The following HOGA1 variants were observed in gnomAD, a reference collection of about 807,000 sequenced individuals.
HOGA1 encodes 4-hydroxy-2-oxoglutarate aldolase, mitochondrial.
Under a neutral mutation model 34.3 loss-of-function variants are expected in HOGA1, and 30 were observed. The ratio of observed to expected loss-of-function variants is 0.87; its 90% CI spans 0.65 to 1.19. HOGA1 has a LOEUF of 1.19. HOGA1 is among the 50% of genes most tolerant of loss of function. The pLI is 0.00. For synonymous variants in HOGA1, 161 were observed against 174.0 expected, an observed-to-expected ratio of 0.93 and a Z score of 0.59; for missense variants, 417 against 436.5, an observed-to-expected ratio of 0.96 and a Z score of 0.40.
chr10:97,593,444 T>G (rs978859586), intron 1 of HOGA1, among the ~76,000 whole-genome samples: 27 of 151,762 alleles, frequency 1.8e-4, no homozygotes, highest in Non-Finnish European at 2.9e-5. Context: ...GCCACTGCCC[T>G]CCAGCCTGGG....
intron 1 of HOGA1, among the ~76,000 whole-genome samples, chr10:97,587,898 C>T (rs2040982994): frequency 1.3e-5 from 2 of 152,056 alleles, no homozygotes; most frequent in Admixed American, 6.6e-5. Context: ...CAACCTCTGC[C>T]TCCTGGGACT....
In HOGA1 at chr10:97,599,118, A is replaced by G; in HGVS notation, c.370A>G (p.Ser124Gly). The G allele has an allele frequency of 1.2e-6, 2 of 1,613,710 alleles. No homozygotes were observed. The highest frequency in any genetic ancestry group is 2.2e-5 in the South Asian group (2 of 91,082). Residue 124 changes from serine to glycine, a missense_variant, in exon 3 of 7, where the codon AGC becomes GGC. Coordinates refer to ENST00000370646, the MANE Select transcript of HOGA1 (RefSeq NM_138413.4). Reference protein sequence around the residue: ...STQATVEMTVSMAQVGADAAM... With the variant: ...STQATVEMTVGMAQVGADAAM... ...TCAAGCCACAGTGGAGATGACCGTCAGCATGGCCCAGGTCGGGGCTGACGC... is the reference window on the plus strand; with the variant it reads ...TCAAGCCACAGTGGAGATGACCGTCGGCATGGCCCAGGTCGGGGCTGACGC...
In HOGA1 at chr10:97,612,009, A is replaced by AT. The variant is rs5787248; in HGVS notation, c.*354dup. On this transcript the variant is annotated 3_prime_UTR_variant, in exon 7 of 7. Coordinates refer to ENST00000370646, the MANE Select transcript of HOGA1 (RefSeq NM_138413.4). Reference sequence around the variant, plus strand: ...AGGGGCAAGTAGGCACAGTAAGGGAATTTTCTTTTCTTTTTTTTTTTTTTT... The same window carrying AT: ...AGGGGCAAGTAGGCACAGTAAGGGAATTTTTCTTTTCTTTTTTTTTTTTTTT... 59,175 of 196,158 alleles carry AT rather than the reference A, an allele frequency of 0.3. 10,218 individuals are homozygous for AT. Among genetic ancestry groups the AT allele is most frequent in the African/African-American group, 0.48 (17,777 of 37,332 alleles). 12.2% of individuals were successfully genotyped at this position (196,158 alleles called of 1,614,324 possible).
chr10:97,598,965 C>G, intron 2 of HOGA1, 62 bp downstream of exon 2: 1 of 1,609,898 alleles, frequency 6.2e-7, no homozygotes, highest in Non-Finnish European at 8.5e-7. Flanking sequence ...GCTCCTAGGC[C>G]CTAGCTTGGG....
rs1169191059 is a variant in HOGA1 at position 97,593,029 on chromosome 10, C to CAAAAA, written c.212-5728_212-5724dup. On this transcript the variant is annotated intron_variant, in intron 1 of 6. Coordinates refer to ENST00000370646, the MANE Select transcript of HOGA1 (RefSeq NM_138413.4). ...TGGGCGACAGAGTGAGACTCTGTCT[C>CAAAAA]AAAAAAAAAAAAAAAAAAAAAAGAG... Among the ~76,000 whole-genome samples the CAAAAA allele has an allele frequency of 1.2e-3, 56 of 47,788 alleles. 3 individuals are homozygous for CAAAAA. The highest frequency in any genetic ancestry group is 2.1e-3 in the African/African-American group (24 of 11,408). 31.4% of individuals were successfully genotyped at this position (47,788 alleles called of 152,430 possible). A position where few individuals can be genotyped will look rare whatever the true frequency, so the allele number is the denominator to read the frequency against.
At chr10:97,590,758 T>G in intron 1 of HOGA1, 2 of 630,908 alleles carry the variant, frequency 3.2e-6, no homozygotes, top group Non-Finnish European at 5.7e-6. Flanking sequence ...ACTCCATGAG[T>G]GGGGTCTGCC....
At chr10:97,591,558 C>T (rs774858971) in intron 1 of HOGA1, among the ~76,000 whole-genome samples, 137 of 152,076 alleles carry the variant, frequency 9.0e-4, no homozygotes, top group Non-Finnish European at 1.3e-3. Context: ...TTTAGCCCTG[C>T]GTGCATTAGC....
chr10:97,599,475 T>C, intron 3 of HOGA1: 1 of 767,820 alleles, frequency 1.3e-6, no homozygotes, highest in Admixed American at 2.0e-5. Context: ...CATAAAGGCC[T>C]TAGAACTGTG....
At chr10:97,591,986 A>G (rs2041029208) in intron 1 of HOGA1, among the ~76,000 whole-genome samples, 1 of 150,660 alleles carries the variant, frequency 6.6e-6, no homozygotes, top group African/African-American at 2.4e-5. Flanking sequence ...CCAAAGGCAC[A>G]CACCACCATG....
At chr10:97,591,858 T>TGTGTGTGTGA (rs760814873) in intron 1 of HOGA1, among the ~76,000 whole-genome samples, 1 of 147,238 alleles carries the variant, frequency 6.8e-6, no homozygotes, top group African/African-American at 2.5e-5. Context: ...TGTGTGTGTG[T>TGTGTGTGTGA]GACAGAGTCT....
intron 1 of HOGA1, among the ~76,000 whole-genome samples, chr10:97,586,098 T>C (rs1190312762): frequency 2.0e-5 from 3 of 150,172 alleles, no homozygotes; most frequent in Non-Finnish European, 4.4e-5. Flanking sequence ...GATCATACCA[T>C]TGCACTCTAG....
intron 1 of HOGA1, among the ~76,000 whole-genome samples, chr10:97,597,365 C>A (rs1369184772): frequency 6.6e-6 from 1 of 151,804 alleles, no homozygotes; most frequent in Non-Finnish European, 1.5e-5. Flanking sequence ...TTGTATTGTA[C>A]TCTGTGTTTG....
chr10:97,600,124 G>A lies in HOGA1; in HGVS notation c.661G>A (p.Ala221Thr), dbSNP rs2041104991. ...CAGGAAGCAGGATTTTCAGGTGTTG[G>A]CTGGATCGGCTGGCTTTCTGATGGC... ...KTRKQDFQVL[A>T]GSAGFLMASY... The change falls in exon 5 of 7, where the codon GCT becomes ACT. Residue 221 changes from alanine to threonine, a missense_variant. Transcript: ENST00000370646. 6.2e-7 allele frequency: 1 copy of A among 1,614,140 alleles called. No individual in the cohort carries two copies. The highest frequency in any genetic ancestry group is 8.5e-7 in the Non-Finnish European group (1 of 1,180,022).
At chr10:97,587,185 C>T (rs1475125324) in intron 1 of HOGA1, among the ~76,000 whole-genome samples, 2 of 152,202 alleles carry the variant, frequency 1.3e-5, no homozygotes, top group African/African-American at 4.8e-5. Flanking sequence ...CTGTGTTTCT[C>T]TTGCCCTGTC....
intron 1 of HOGA1, among the ~76,000 whole-genome samples, chr10:97,585,302 C>G (rs1178587040): frequency 6.6e-6 from 1 of 152,152 alleles, no homozygotes; most frequent in Non-Finnish European, 1.5e-5. Context: ...TCCCAGTTCC[C>G]TCCAAAGTTT....
At chr10:97,606,013 G>A (rs137968055) in intron 6 of HOGA1, among the ~76,000 whole-genome samples, 1 of 151,924 alleles carries the variant, frequency 6.6e-6, no homozygotes, top group Admixed American at 6.6e-5. Context: ...TTCTGGGCAT[G>A]GTGGCTCACG....
intron 1 of HOGA1, among the ~76,000 whole-genome samples, chr10:97,592,602 G>A (rs1365923659): frequency 6.6e-6 from 1 of 151,742 alleles, no homozygotes; most frequent in South Asian, 2.1e-4. Flanking sequence ...AATATTTCAA[G>A]TTAAAAAAAA....
intron 1 of HOGA1, chr10:97,590,751 C>T (rs1419106630): frequency 4.7e-6 from 3 of 638,646 alleles, no homozygotes; most frequent in Non-Finnish European, 8.3e-6. Context: ...TCTTTAAACT[C>T]CATGAGTGGG....
chr10:97,598,975 G>T, intron 2 of HOGA1, 72 bp downstream of exon 2: 1 of 1,609,076 alleles, frequency 6.2e-7, no homozygotes, highest in African/African-American at 1.3e-5. Flanking sequence ...CCTAGCTTGG[G>T]TCCTGTCTCC....
Sources: gnomAD v4.1 joint callset for allele counts (sites outside exome capture counted in the v4.1 genomes callset) on GRCh38, gnomAD v4.1.1 for gene constraint, MANE v1.5 for transcripts, NCBI Gene and HGNC (gene_info 2026-07-23, HGNC 2026-07-21) for gene names.